AKT3: variants seen among roughly 807,000 people sequenced by gnomAD.
AKT3 encodes AKT serine/threonine kinase 3.
AKT3 carries 15 observed loss-of-function variants against 65.3 expected under a neutral mutation model. The ratio of observed to expected loss-of-function variants is 0.23; its 90% CI spans 0.15 to 0.35. AKT3 has a LOEUF of 0.35. Among genes scored for constraint, AKT3 ranks in the 10% least tolerant of loss-of-function variants. AKT3 has a pLI of 1.00. For missense variants in AKT3, 243 were observed against 576.5 expected (o/e 0.42, Z 5.92); for synonymous variants, 206 against 183.8 (o/e 1.12, Z -0.98).
intron 6 of AKT3, among the ~76,000 whole-genome samples, chr1:243,633,206 G>A (rs1679735700): frequency 6.6e-6 from 1 of 152,114 alleles, no homozygotes; most frequent in African/African-American, 2.4e-5. Context: ...CAGAAACTGA[G>A]GGAGTTCATT....
downstream of AKT3, among the ~76,000 whole-genome samples, chr1:243,495,659 C>T (rs1000117626): frequency 6.6e-6 from 1 of 152,228 alleles, no homozygotes; most frequent in Non-Finnish European, 1.5e-5. Context: ...GGGTGGCTGA[C>T]TGCCCCTCGG....
chr1:243,645,854 A>T, intron 5 of AKT3, 39 bp downstream of exon 5: 2 of 1,532,718 alleles, frequency 1.3e-6, no homozygotes, highest in Non-Finnish European at 1.8e-6. Flanking sequence ...TCTTCCAGAC[A>T]AATGAATGCT....
intron 7 of AKT3, 28 bp downstream of exon 7, chr1:243,615,067 AT>A: frequency 1.4e-6 from 2 of 1,456,558 alleles, no homozygotes; most frequent in Non-Finnish European, 1.9e-6. Context: ...AAATGTTACG[AT>A]TATAACATCT....
intron 2 of AKT3, among the ~76,000 whole-genome samples, chr1:243,763,015 G>C (rs1023837588): frequency 1.3e-5 from 2 of 151,828 alleles, no homozygotes; most frequent in African/African-American, 2.4e-5. Flanking sequence ...TCTCCATTAA[G>C]TATTGCCTAC....
chr1:243,661,874 C>T (rs1456723146), intron 4 of AKT3, among the ~76,000 whole-genome samples: 3 of 149,934 alleles, frequency 2.0e-5, no homozygotes, highest in Non-Finnish European at 4.5e-5. Flanking sequence ...AAACAAACAA[C>T]CCCATCAAAA....
At chr1:243,745,450 G>C (rs536385006) in intron 2 of AKT3, among the ~76,000 whole-genome samples, 4 of 152,320 alleles carry the variant, frequency 2.6e-5, no homozygotes, top group African/African-American at 9.6e-5. Flanking sequence ...TATGGATTTA[G>C]AGATGATTTT....
intron 12 of AKT3, among the ~76,000 whole-genome samples, chr1:243,520,788 A>C (rs930191215): frequency 2.6e-5 from 4 of 152,202 alleles, no homozygotes; most frequent in Non-Finnish European, 4.4e-5. Context: ...AAAATATGCA[A>C]CTTCAAGTCC....
chr1:243,639,379 G>A (rs1680207661), intron 5 of AKT3, among the ~76,000 whole-genome samples: 1 of 152,096 alleles, frequency 6.6e-6, no homozygotes, highest in Non-Finnish European at 1.5e-5. Context: ...TTCATTCTGA[G>A]ACAAGCATCA....
intron 2 of AKT3, among the ~76,000 whole-genome samples, chr1:243,798,169 A>G (rs181185252): frequency 2.7e-5 from 4 of 148,486 alleles, no homozygotes; most frequent in Middle Eastern, 3.7e-3. Flanking sequence ...GGCCTCCCAA[A>G]GTGCTGGGAT....
At chr1:243,769,476 G>A (rs1486173359) in intron 2 of AKT3, among the ~76,000 whole-genome samples, 2 of 152,100 alleles carry the variant, frequency 1.3e-5, no homozygotes, top group African/African-American at 4.8e-5. Context: ...GTTTATCATT[G>A]TTTACAGACA....
At chr1:243,846,292 A>G (rs1368810279) in intron 1 of AKT3, among the ~76,000 whole-genome samples, 1 of 152,164 alleles carries the variant, frequency 6.6e-6, no homozygotes, top group Non-Finnish European at 1.5e-5. Context: ...AAATCCTCCT[A>G]AAATCTGTCT....
chr1:243,526,908 G>A (rs150782874), intron 12 of AKT3, among the ~76,000 whole-genome samples: 3 of 151,578 alleles, frequency 2.0e-5, no homozygotes, highest in Non-Finnish European at 4.4e-5. Context: ...AGACAGCGGT[G>A]ATGGTTGCAT....
chr1:243,752,279 T>C (rs961313293), intron 2 of AKT3, among the ~76,000 whole-genome samples: 1 of 152,146 alleles, frequency 6.6e-6, no homozygotes, highest in Non-Finnish European at 1.5e-5. Flanking sequence ...GACATAACAA[T>C]TTTAAATAGT....
chr1:243,738,529 A>T (rs1414036830), intron 2 of AKT3, among the ~76,000 whole-genome samples: 1 of 152,210 alleles, frequency 6.6e-6, no homozygotes, highest in East Asian at 1.9e-4. Flanking sequence ...TCTTTTAAGA[A>T]GGAATAAGCT....
At chr1:243,834,491 A>T (rs4402112) in intron 2 of AKT3, among the ~76,000 whole-genome samples, 118,780 of 152,034 alleles carry the variant, frequency 0.78, 47,344 homozygotes, top group Non-Finnish European at 0.86. Context: ...ATGTTTCAAG[A>T]ACACGCTGAG....
At chr1:243,734,750 C>T (rs900488930) in intron 2 of AKT3, among the ~76,000 whole-genome samples, 3 of 152,178 alleles carry the variant, frequency 2.0e-5, no homozygotes, top group Admixed American at 6.6e-5. Context: ...ATAAATTCAG[C>T]TTACTATAAC....
intron 2 of AKT3, among the ~76,000 whole-genome samples, chr1:243,775,010 G>A (rs1325729759): frequency 2.0e-5 from 3 of 152,076 alleles, no homozygotes; most frequent in Non-Finnish European, 4.4e-5. Context: ...CTACAGGTGT[G>A]TGCCACCACG....
intron 2 of AKT3, among the ~76,000 whole-genome samples, chr1:243,813,814 G>A (rs1693343253): frequency 6.6e-6 from 1 of 152,156 alleles, no homozygotes; most frequent in South Asian, 2.1e-4. Flanking sequence ...AAATTTTAAA[G>A]AGTATATGGA....
chr1:243,633,623 TA>T (rs1323463216), intron 6 of AKT3, among the ~76,000 whole-genome samples: 1 of 151,688 alleles, frequency 6.6e-6, no homozygotes, highest in African/African-American at 2.4e-5. Context: ...ACAAAGAAAA[TA>T]GCTATAGAAT....
Sources: allele counts gnomAD v4.1 joint callset (sites outside exome capture counted in the v4.1 genomes callset), GRCh38; gene constraint gnomAD v4.1.1; transcripts MANE v1.5; gene names NCBI Gene and HGNC (gene_info 2026-07-23, HGNC 2026-07-21).